Variants in PUDP observed in about 807,000 individuals in gnomAD.
PUDP encodes pseudouridine 5'-phosphatase.
In PUDP, 8 loss-of-function variants were observed where a neutral mutation model predicts 9.4. The ratio of observed to expected loss-of-function variants is 0.85; its 90% CI spans 0.50 to 1.53. The LOEUF (loss-of-function observed/expected upper bound fraction) is 1.53. Among genes scored for constraint, PUDP ranks in the 40% most tolerant of loss-of-function variants. The pLI, the probability that PUDP is intolerant of heterozygous loss-of-function variation, is 0.00. For missense variants in PUDP, 188 were observed against 189.7 expected, an observed-to-expected ratio of 0.99 and a Z score of 0.05; for synonymous variants, 99 against 80.7, an observed-to-expected ratio of 1.23 and a Z score of -1.22.
chrX:6,751,891 C>CTT (rs1925094158), intron 3 of PUDP, among the ~76,000 whole-genome samples: 1 of 110,960 alleles, frequency 9.0e-6, no homozygotes, highest in Non-Finnish European at 1.9e-5. Flanking sequence ...AATTATGAGG[C>CTT]AGCATCACCT....
intron 3 of PUDP, among the ~76,000 whole-genome samples, chrX:6,844,278 G>A (rs1021438683): frequency 8.9e-6 from 1 of 112,975 alleles, no homozygotes; most frequent in Non-Finnish European, 1.9e-5. Flanking sequence ...TCCATCTGCA[G>A]CCTTAATTCC....
intron 1 of PUDP, among the ~76,000 whole-genome samples, chrX:7,032,633 C>T (rs1459077729): frequency 8.9e-6 from 1 of 111,874 alleles, no homozygotes; most frequent in Non-Finnish European, 1.9e-5. Flanking sequence ...GAATATGTTG[C>T]ATGATTCCAT....
chrX:7,015,148 C>T (rs1293405867), intron 1 of PUDP, among the ~76,000 whole-genome samples: 2 of 111,900 alleles, frequency 1.8e-5, no homozygotes, highest in African/African-American at 6.5e-5. Flanking sequence ...TGATAACCAA[C>T]TAACAAAAGG....
intron 3 of PUDP, among the ~76,000 whole-genome samples, chrX:6,730,032 T>C (rs1270815808): frequency 8.9e-6 from 1 of 112,236 alleles, no homozygotes; most frequent in Non-Finnish European, 1.9e-5. Flanking sequence ...TGCGCAGAAG[T>C]AAAATTGCTT....
At chrX:6,788,236 A>AAAGC (rs771259860) in intron 3 of PUDP, among the ~76,000 whole-genome samples, 494 of 112,463 alleles carry the variant, frequency 4.4e-3, no homozygotes, top group Non-Finnish European at 7.6e-3. Context: ...TCAACACTTT[A>AAAGC]TTATAAAATA....
intron 3 of PUDP, among the ~76,000 whole-genome samples, chrX:6,941,426 T>C (rs6639724): frequency 0.25 from 24,315 of 98,456 alleles, 2,482 homozygotes; most frequent in Admixed American, 0.38. Context: ...CTGCAGCCTC[T>C]ACCTCTTGGG....
chrX:6,813,730 TG>T (rs947770765), intron 3 of PUDP, among the ~76,000 whole-genome samples: 1 of 111,293 alleles, frequency 9.0e-6, no homozygotes, highest in Admixed American at 9.6e-5. Context: ...GATCAGATGA[TG>T]GGGGGTGGGT....
At chrX:6,886,498 T>C (rs1450404006) in intron 3 of PUDP, among the ~76,000 whole-genome samples, 3 of 112,361 alleles carry the variant, frequency 2.7e-5, no homozygotes, top group Non-Finnish European at 5.6e-5. Flanking sequence ...ATTCTTGTCA[T>C]TGACAATTGA....
chrX:7,097,000 C>T (rs1931592249), intron 2 of PUDP, among the ~76,000 whole-genome samples: 1 of 111,269 alleles, frequency 9.0e-6, no homozygotes, highest in Non-Finnish European at 1.9e-5. Flanking sequence ...TTTACTGAAT[C>T]CACCAATTCA....
intron 1 of PUDP, among the ~76,000 whole-genome samples, chrX:7,113,664 A>G (rs1223590550): frequency 2.7e-5 from 3 of 112,630 alleles, no homozygotes; most frequent in African/African-American, 9.7e-5. Context: ...TTTTGACAGT[A>G]CATAGTAGCT....
intron 1 of PUDP, 42 bp from the exon 2 acceptor site, chrX:7,105,880 T>G (rs1294530343): frequency 1.1e-6 from 1 of 933,402 alleles, no homozygotes; most frequent in Non-Finnish European, 1.5e-6. Context: ...GCATACTGTA[T>G]GAACAGTAAG....
chrX:6,876,637 T>TTGTG (rs1555914349), intron 3 of PUDP, among the ~76,000 whole-genome samples: 6 of 64,537 alleles, frequency 9.3e-5, no homozygotes, highest in African/African-American at 2.9e-4. Context: ...ACCTAAAATG[T>TTGTG]TATGTGTGTG....
intron 3 of PUDP, among the ~76,000 whole-genome samples, chrX:6,821,076 A>G (rs1798402370): frequency 9.0e-6 from 1 of 110,561 alleles, no homozygotes; most frequent in African/African-American, 3.3e-5. Context: ...ACTTTTGTGT[A>G]CCTGCAAGTT....
rs753237892 is a variant in PUDP at position 6,860,371 on chromosome X, C to T, written c.*247+116762G>A. ...CCCAGGGTCATCTAAAACTTCTGGG[C>T]TCATGTGATCCTCCTGTCTTGGCCT... On this transcript the variant is annotated intron_variant and NMD_transcript_variant, in intron 3 of 3. Transcript: ENST00000655425. Among the ~76,000 whole-genome samples, 18 of 110,901 alleles carry T rather than the reference C, an allele frequency of 1.6e-4. No homozygotes were observed. The South Asian group carries it at 6.5e-3, about 40-fold the overall frequency.
chrX:6,792,875 G>C (rs1405187755), intron 3 of PUDP, among the ~76,000 whole-genome samples: 2 of 112,704 alleles, frequency 1.8e-5, no homozygotes, highest in Non-Finnish European at 3.7e-5. Context: ...TTATACACAC[G>C]GATGTGAAAA....
chrX:7,107,172 A>G (rs187913433), intron 1 of PUDP, among the ~76,000 whole-genome samples: 67 of 112,579 alleles, frequency 6.0e-4, no homozygotes, highest in African/African-American at 2.1e-3. Context: ...ACCTTCCCAC[A>G]GGGTGTGGAG....
intron 1 of PUDP, among the ~76,000 whole-genome samples, chrX:7,132,469 G>A (rs1932646681): frequency 9.0e-6 from 1 of 111,473 alleles, no homozygotes; most frequent in Non-Finnish European, 1.9e-5. Context: ...CTTTTATCAG[G>A]TTGCTGTCAG....
rs765389438 is a variant in PUDP at position 6,726,737 on chromosome X, A to G, written c.*248-20271T>C. The stretch of plus-strand genomic sequence containing the variant: ...TTTAATGTGTAAGGACACTGAAAAC[A>G]TATTACTCAGGAAGCCTTCCTGGAA... On this transcript the variant is annotated intron_variant and NMD_transcript_variant, in intron 3 of 3. Coordinates refer to the PUDP transcript ENST00000655425. Among the ~76,000 whole-genome samples the G allele has an allele frequency of 1.5e-4, 17 of 111,905 alleles. 1 individual carries two copies. The highest frequency in any genetic ancestry group is 4.9e-4 in the African/African-American group (15 of 30,815).
At chrX:7,034,696 T>C (rs936308438) in intron 1 of PUDP, among the ~76,000 whole-genome samples, 4 of 111,920 alleles carry the variant, frequency 3.6e-5, no homozygotes, top group South Asian at 3.8e-4. Flanking sequence ...TAATAATCTA[T>C]CTATGCAGAA....
Sources: allele counts gnomAD v4.1 joint callset (sites outside exome capture counted in the v4.1 genomes callset), GRCh38; gene constraint gnomAD v4.1.1; transcripts MANE v1.5; gene names NCBI Gene and HGNC (gene_info 2026-07-23, HGNC 2026-07-21).